Variants in MYRIP observed in about 807,000 individuals in gnomAD.
The protein encoded by MYRIP is rab effector MyRIP.
A neutral mutation model predicts 98.0 loss-of-function variants in MYRIP; 49 were observed. The observed-to-expected ratio is 0.50, with a 90% CI of 0.40 to 0.63. MYRIP has a LOEUF of 0.63. Ranked by LOEUF, MYRIP falls within the 30% of genes least tolerant of loss-of-function variation. MYRIP has a pLI of 0.00. For synonymous variants in MYRIP, 404 were observed against 409.5 expected (o/e 0.99, Z 0.16); for missense variants, 1,004 against 1,058.2 (o/e 0.95, Z 0.71).
chr3:40,033,921 A>G (rs565361764), intron 2 of MYRIP, among the ~76,000 whole-genome samples: 60 of 152,132 alleles, frequency 3.9e-4, no homozygotes, highest in Admixed American at 7.2e-4. Flanking sequence ...AATGCCACAT[A>G]TCTACAACTA....
chr3:39,846,665 C>G (rs1298827414), intron 1 of MYRIP, among the ~76,000 whole-genome samples: 1 of 152,162 alleles, frequency 6.6e-6, no homozygotes, highest in East Asian at 1.9e-4. Flanking sequence ...ATTGCACTTC[C>G]CTGCTGATCC....
At chr3:39,893,520 C>T (rs1421740961) in intron 1 of MYRIP, among the ~76,000 whole-genome samples, 1 of 152,032 alleles carries the variant, frequency 6.6e-6, no homozygotes, top group Non-Finnish European at 1.5e-5. Flanking sequence ...TTTCCTATAA[C>T]ATGATAATAA....
intron 2 of MYRIP, among the ~76,000 whole-genome samples, chr3:39,917,413 G>A (rs904601476): frequency 7.2e-6 from 1 of 139,780 alleles, no homozygotes; most frequent in Non-Finnish European, 1.5e-5. Flanking sequence ...AAAACTACTG[G>A]GTTTATCTAG....
At chr3:40,047,037 A>G (rs1250492305) in intron 3 of MYRIP, among the ~76,000 whole-genome samples, 1 of 152,212 alleles carries the variant, frequency 6.6e-6, no homozygotes, top group Non-Finnish European at 1.5e-5. Flanking sequence ...ATCAAATACC[A>G]GTAGTGCTGA....
At chr3:39,964,403 C>T (rs1256819019) in intron 2 of MYRIP, among the ~76,000 whole-genome samples, 2 of 152,120 alleles carry the variant, frequency 1.3e-5, no homozygotes, top group Non-Finnish European at 2.9e-5. Context: ...CATAGGGCTC[C>T]TCACAATTGT....
chr3:40,130,858 A>C (rs879604601), intron 3 of MYRIP, among the ~76,000 whole-genome samples: 9 of 152,000 alleles, frequency 5.9e-5, no homozygotes, highest in Non-Finnish European at 1.2e-4. Flanking sequence ...TCCTCTTCCT[A>C]TATTCCTATC....
chr3:40,216,933 A>C (rs928106863), intron 11 of MYRIP, among the ~76,000 whole-genome samples: 3 of 152,214 alleles, frequency 2.0e-5, no homozygotes, highest in African/African-American at 7.2e-5. Flanking sequence ...TGTTAATCAA[A>C]TAGCATATAC....
chr3:40,244,624 C>G lies in MYRIP; in HGVS notation c.2262+17C>G, dbSNP rs374176055. 3.7e-5 allele frequency: 59 copies of G among 1,603,372 alleles called. No individual in the cohort carries two copies. Among genetic ancestry groups the G allele is most frequent in the Non-Finnish European group, 3.3e-5 (39 of 1,175,030 alleles). On this transcript the variant is annotated intron_variant, in intron 13 of 16. Coordinates refer to ENST00000302541, the MANE Select transcript of MYRIP (RefSeq NM_015460.4). Reference sequence around the variant, plus strand: ...GAACTCCAGGTGAGAACTCTCCTCTCTGCCCACATGGGTCCTGCAGGGTGA... The same window carrying G: ...GAACTCCAGGTGAGAACTCTCCTCTGTGCCCACATGGGTCCTGCAGGGTGA...
At chr3:40,210,609 G>A (rs1951901325) in intron 11 of MYRIP, among the ~76,000 whole-genome samples, 2 of 152,022 alleles carry the variant, frequency 1.3e-5, no homozygotes, top group Admixed American at 1.3e-4. Flanking sequence ...TTTAGCGTCG[G>A]AATCCTTTTT....
At position 40,244,722 on chromosome 3, in the gene MYRIP, T is replaced by C. The variant is rs935279372; in HGVS notation, c.2262+115T>C. On this transcript the variant is annotated intron_variant, in intron 13 of 16. Coordinates refer to ENST00000302541, the MANE Select transcript of MYRIP (RefSeq NM_015460.4). ...CTATCAGCTCCCATCATCTCCAGCA[T>C]GTTTGCGTGGATACAGTCCTTCCAG... 15 of 1,169,510 alleles carry C rather than the reference T, an allele frequency of 1.3e-5. No homozygotes were observed. The Admixed American group carries it at 1.9e-4, about 15-fold the overall frequency. The allele number at this position is 1,169,510 out of a possible 1,614,324, so 72.4% of individuals were successfully genotyped here.
chr3:40,247,481 T>C (rs1007479511), intron 13 of MYRIP, among the ~76,000 whole-genome samples: 3 of 152,148 alleles, frequency 2.0e-5, no homozygotes, highest in African/African-American at 7.2e-5. Context: ...TAGAAAGTGA[T>C]AAAACCGGGA....
chr3:39,836,739 C>G (rs942199414), intron 1 of MYRIP, among the ~76,000 whole-genome samples: 2 of 152,230 alleles, frequency 1.3e-5, no homozygotes, highest in Admixed American at 1.3e-4. Context: ...CAGCTCCGCA[C>G]TCCAAGCATT....
At chr3:40,025,961 A>T (rs1478192080) in intron 2 of MYRIP, among the ~76,000 whole-genome samples, 1 of 152,136 alleles carries the variant, frequency 6.6e-6, no homozygotes, top group Non-Finnish European at 1.5e-5. Context: ...GTCTTGATAA[A>T]CACCCTAAAC....
chr3:39,879,128 A>G (rs1014595519), intron 1 of MYRIP, among the ~76,000 whole-genome samples: 15 of 151,490 alleles, frequency 9.9e-5, no homozygotes, highest in Non-Finnish European at 1.6e-4. Context: ...GTAGAGGGAG[A>G]GAGTTTGATA....
At chr3:39,994,396 G>A (rs568057117) in intron 2 of MYRIP, among the ~76,000 whole-genome samples, 4 of 152,352 alleles carry the variant, frequency 2.6e-5, no homozygotes, top group South Asian at 2.1e-4. Flanking sequence ...ATTATATCCC[G>A]TGCCTGGCTC....
intron 8 of MYRIP, among the ~76,000 whole-genome samples, chr3:40,175,582 C>T (rs1205590188): frequency 6.6e-6 from 1 of 152,240 alleles, no homozygotes; most frequent in Non-Finnish European, 1.5e-5. Flanking sequence ...CCTGACTTCC[C>T]TTGGGCAGGA....
rs77515736 is a variant in MYRIP, at chr3:40,010,367, G to A, written c.111-33683G>A. On this transcript the variant is annotated intron_variant, in intron 2 of 16. Coordinates refer to ENST00000302541, the MANE Select transcript of MYRIP (RefSeq NM_015460.4). ...TGTGCCTCCCAGTGCCTGGAAGGGAGGAGAAAGAGCAGAGGAGCCCTGGCC... is the reference window on the plus strand; with the variant it reads ...TGTGCCTCCCAGTGCCTGGAAGGGAAGAGAAAGAGCAGAGGAGCCCTGGCC... 8.1e-3 allele frequency among the ~76,000 whole-genome samples: 1,230 copies of A among 152,290 alleles called. 17 individuals carry two copies. The highest frequency in any genetic ancestry group is 0.028 in the African/African-American group (1,156 of 41,546).
chr3:40,005,720 T>C (rs1012435757), intron 2 of MYRIP, among the ~76,000 whole-genome samples: 3 of 152,218 alleles, frequency 2.0e-5, no homozygotes, highest in African/African-American at 7.2e-5. Flanking sequence ...GTCATGCCCG[T>C]CTTTTGAGTA....
At chr3:40,125,173 C>T (rs982995114) in intron 3 of MYRIP, among the ~76,000 whole-genome samples, 5 of 152,216 alleles carry the variant, frequency 3.3e-5, no homozygotes, top group African/African-American at 1.2e-4. Flanking sequence ...AATCCCAGCC[C>T]TGCCACTTAC....
Sources: allele counts gnomAD v4.1 joint callset (sites outside exome capture counted in the v4.1 genomes callset), GRCh38; gene constraint gnomAD v4.1.1; transcripts MANE v1.5; gene names NCBI Gene and HGNC (gene_info 2026-07-23, HGNC 2026-07-21).